The following CEP112 variants were observed in gnomAD, a reference collection of about 807,000 sequenced individuals.
The protein encoded by CEP112 is centrosomal protein of 112 kDa.
In CEP112, 127 loss-of-function variants were observed where a neutral mutation model predicts 153.0. The observed-to-expected ratio is 0.83, with a 90% CI of 0.72 to 0.96. CEP112 has a LOEUF of 0.96. CEP112 is among the 40% of genes least tolerant of loss of function. The pLI is 0.00. For missense variants in CEP112, 1,089 were observed against 1,101.2 expected (o/e 0.99, Z 0.16); for synonymous variants, 358 against 374.4 (o/e 0.96, Z 0.51).
chr17:65,961,208 T>C (rs2062186484), intron 18 of CEP112, among the ~76,000 whole-genome samples: 1 of 152,220 alleles, frequency 6.6e-6, no homozygotes, highest in South Asian at 2.1e-4. Flanking sequence ...GGATTATCTA[T>C]CCTTCCAAAG....
chr17:66,057,653 G>A (rs970131945), intron 11 of CEP112, among the ~76,000 whole-genome samples: 1 of 151,892 alleles, frequency 6.6e-6, no homozygotes, highest in Non-Finnish European at 1.5e-5. Context: ...TTGAATGAAT[G>A]ACTACATAAA....
At chr17:65,785,235 A>T (rs1458230556) in intron 21 of CEP112, among the ~76,000 whole-genome samples, 3 of 152,120 alleles carry the variant, frequency 2.0e-5, no homozygotes, top group African/African-American at 7.2e-5. Context: ...CAAACATTTG[A>T]GTTTTTTCCA....
intron 11 of CEP112, among the ~76,000 whole-genome samples, chr17:66,062,169 AC>A (rs2146008909): frequency 6.6e-6 from 1 of 151,970 alleles, no homozygotes; most frequent in South Asian, 2.1e-4. Context: ...TTTATAAATT[AC>A]CCAGTCTCAG....
chr17:65,998,244 ATGGTGGCACATGCCTG>A (rs1391081901), intron 17 of CEP112, among the ~76,000 whole-genome samples: 1 of 151,854 alleles, frequency 6.6e-6, no homozygotes, highest in African/African-American at 2.4e-5. Context: ...TTAGCTGAGC[ATGGTGGCACATGCCTG>A]TGGTCCCAGC....
chr17:66,175,185 C>G lies in CEP112; in HGVS notation c.329G>C (p.Arg110Pro). The G allele has an allele frequency of 6.3e-7, 1 of 1,598,944 alleles. No individual in the cohort carries two copies. The highest frequency in any genetic ancestry group is 8.5e-7 in the Non-Finnish European group (1 of 1,174,048). Residue 110 changes from arginine (R) to proline (P), a missense_variant, in exon 4 of 27, where the codon CGA becomes CCA. By Grantham distance (103) the Arg-to-Pro change is moderately radical. Coordinates refer to ENST00000535342, the MANE Select transcript of CEP112 (RefSeq NM_001199165.4). ...SIYFDEPNPA[R>P]AKGSSPEGLP... ...TCCCTCTGGGCTTGAACCTTTTGCT[C>G]GTGCTGGATTTGGTTCATCAAAATA...
intron 24 of CEP112, among the ~76,000 whole-genome samples, chr17:65,653,919 C>A (rs746150407): frequency 1.3e-5 from 2 of 151,408 alleles, no homozygotes; most frequent in African/African-American, 2.4e-5. Flanking sequence ...ATTAGCCGGG[C>A]GTGGTGGTGC....
intron 4 of CEP112, among the ~76,000 whole-genome samples, chr17:66,156,687 A>T (rs760772037): frequency 6.6e-6 from 1 of 152,128 alleles, no homozygotes; most frequent in Non-Finnish European, 1.5e-5. Context: ...GAAGAACATA[A>T]ATGACCTGAT....
chr17:66,025,086 T>C lies in CEP112; in HGVS notation c.1656+2415A>G, dbSNP rs182043138. 1.8e-3 allele frequency among the ~76,000 whole-genome samples: 281 copies of C among 152,236 alleles called. 7 individuals carry two copies. The highest frequency in any genetic ancestry group is 0.018 in the Admixed American group (280 of 15,288). ...GTGCTCAGCAAATTGAATTACCATA[T>C]GCAGAAGAATGAAACTGAATCCCTC... is the stretch of plus-strand genomic sequence containing the variant. On this transcript the variant is annotated intron_variant, in intron 16 of 26. Transcript: ENST00000535342.
At chr17:65,665,397 C>A (rs1174771161) in intron 24 of CEP112, among the ~76,000 whole-genome samples, 1 of 152,210 alleles carries the variant, frequency 6.6e-6, no homozygotes, top group East Asian at 1.9e-4. Context: ...GCTTCATTAA[C>A]CCAGGTCATA....
At chr17:65,730,630 C>T (rs1484558615) in intron 23 of CEP112, among the ~76,000 whole-genome samples, 2 of 152,116 alleles carry the variant, frequency 1.3e-5, no homozygotes, top group Non-Finnish European at 2.9e-5. Flanking sequence ...TGCTAGGCAT[C>T]GAGATTTCTT....
At chr17:65,705,692 T>C (rs1302691098) in intron 23 of CEP112, among the ~76,000 whole-genome samples, 1 of 152,068 alleles carries the variant, frequency 6.6e-6, no homozygotes, top group Admixed American at 6.5e-5. Context: ...AAGAAGTCAA[T>C]GACATGGGAA....
In CEP112 at chr17:66,049,631, A is replaced by G. The variant is rs534451607; in HGVS notation, c.1218+4105T>C. ...TGGGCCATGGTGGCACACACCTGTA[A>G]TCTCAGCTACTCTGGAGGTTGAGGC... On this transcript the variant is annotated intron_variant, in intron 12 of 26. Coordinates refer to ENST00000535342, the MANE Select transcript of CEP112 (RefSeq NM_001199165.4). Among the ~76,000 whole-genome samples the G allele has an allele frequency of 2.0e-5, 3 of 152,294 alleles. No individual in the cohort carries two copies. In the East Asian group the frequency reaches 5.8e-4, roughly 29 times the overall value.
chr17:65,663,873 T>C (rs576728686), intron 24 of CEP112, among the ~76,000 whole-genome samples: 1 of 152,210 alleles, frequency 6.6e-6, no homozygotes, highest in East Asian at 1.9e-4. Context: ...GGTGAAACCC[T>C]GTTTCTACCA....
intron 19 of CEP112, among the ~76,000 whole-genome samples, chr17:65,908,998 C>A (rs1378418022): frequency 6.6e-6 from 1 of 152,138 alleles, no homozygotes; most frequent in Non-Finnish European, 1.5e-5. Context: ...AACTGTTTTA[C>A]AGTGAAATTA....
intron 20 of CEP112, among the ~76,000 whole-genome samples, chr17:65,883,413 T>G (rs2059158070): frequency 6.6e-6 from 1 of 151,900 alleles, no homozygotes; most frequent in Admixed American, 6.6e-5. Context: ...CAGGCTGGAG[T>G]GCAATGGCAT....
chr17:65,964,249 A>G (rs564963316), intron 17 of CEP112, among the ~76,000 whole-genome samples: 1 of 152,350 alleles, frequency 6.6e-6, no homozygotes, highest in Non-Finnish European at 1.5e-5. Flanking sequence ...TCCTAACATT[A>G]GTGAGGCTTT....
intron 21 of CEP112, among the ~76,000 whole-genome samples, chr17:65,806,308 G>A (rs1305813482): frequency 6.7e-6 from 1 of 149,508 alleles, no homozygotes; most frequent in Non-Finnish European, 1.5e-5. Context: ...TACAATAATA[G>A]AAAGTGATGG....
At chr17:65,859,233 G>A (rs1447037984) in intron 20 of CEP112, among the ~76,000 whole-genome samples, 1 of 151,954 alleles carries the variant, frequency 6.6e-6, no homozygotes, top group East Asian at 1.9e-4. Context: ...CACGAAGTCA[G>A]GAGTTCAAAA....
intron 21 of CEP112, among the ~76,000 whole-genome samples, chr17:65,761,204 T>C (rs756240961): frequency 9.9e-5 from 15 of 152,134 alleles, no homozygotes; most frequent in African/African-American, 4.8e-5. Flanking sequence ...TTTGGTTTCA[T>C]TGATTTTCTC....
Sources: gnomAD v4.1 joint callset for allele counts (sites outside exome capture counted in the v4.1 genomes callset) on GRCh38, gnomAD v4.1.1 for gene constraint, MANE v1.5 for transcripts, NCBI Gene and HGNC (gene_info 2026-07-23, HGNC 2026-07-21) for gene names.